Variants in XRN1 observed in about 807,000 individuals in gnomAD.
The protein encoded by XRN1 is 5'-3' exoribonuclease 1.
A neutral mutation model predicts 222.3 loss-of-function variants in XRN1; 67 were observed. The observed-to-expected ratio is 0.30, with a 90% CI of 0.25 to 0.37. The LOEUF (loss-of-function observed/expected upper bound fraction) is 0.37. Among genes scored for constraint, XRN1 ranks in the 10% least tolerant of loss-of-function variants. The pLI, the probability that XRN1 is intolerant of heterozygous loss-of-function variation, is 1.00. For missense variants in XRN1, 1,707 were observed against 2,000.2 expected, an observed-to-expected ratio of 0.85 and a Z score of 2.80; for synonymous variants, 643 against 652.4, an observed-to-expected ratio of 0.99 and a Z score of 0.22.
chr3:142,312,142 T>G lies in XRN1; in HGVS notation c.4783-329A>C, dbSNP rs552899828. Among the ~76,000 whole-genome samples, 6 of 152,174 alleles carry G rather than the reference T, an allele frequency of 3.9e-5. No individual in the cohort carries two copies. The East Asian group carries it at 9.7e-4, about 25-fold the overall frequency. Reference sequence around the variant, plus strand: ...AATTACAAAAACTAGACAGGCATGGTGGCACATGCCTGTAGCCTCAGGTAC... The same window carrying G: ...AATTACAAAAACTAGACAGGCATGGGGGCACATGCCTGTAGCCTCAGGTAC... On this transcript the variant is annotated intron_variant, in intron 40 of 40. Coordinates refer to ENST00000392981, the MANE Select transcript of XRN1 (RefSeq NM_001282857.2).
chr3:142,364,259 G>A (rs1030959188), intron 29 of XRN1, among the ~76,000 whole-genome samples: 14 of 152,162 alleles, frequency 9.2e-5, no homozygotes, highest in Non-Finnish European at 1.8e-4. Context: ...CAAGAGGTTC[G>A]GTGCCTGGGA....
At chr3:142,391,863 C>T (rs1351640850) in intron 20 of XRN1, among the ~76,000 whole-genome samples, 1 of 150,906 alleles carries the variant, frequency 6.6e-6, no homozygotes, top group South Asian at 2.1e-4. Context: ...ATAACTTTTA[C>T]AGCAATGCAT....
chr3:142,375,072 G>T (rs922075502), intron 25 of XRN1, among the ~76,000 whole-genome samples: 17 of 152,198 alleles, frequency 1.1e-4, no homozygotes, highest in African/African-American at 4.1e-4. Context: ...TGCTTCCCTA[G>T]TGCCTTCAGA....
At chr3:142,401,707 CTG>C (rs1330140034) in intron 18 of XRN1, among the ~76,000 whole-genome samples, 1 of 152,106 alleles carries the variant, frequency 6.6e-6, no homozygotes, top group Non-Finnish European at 1.5e-5. Flanking sequence ...GAGTGAGACT[CTG>C]TCAAACAAAC....
intron 21 of XRN1, 38 bp downstream of exon 21, chr3:142,384,485 G>T: frequency 6.6e-7 from 1 of 1,505,800 alleles, no homozygotes; most frequent in Non-Finnish European, 9.1e-7. Context: ...TATTAATAGT[G>T]TATATTAAGA....
chr3:142,342,461 C>G (rs1321012086), intron 33 of XRN1, among the ~76,000 whole-genome samples: 1 of 152,046 alleles, frequency 6.6e-6, no homozygotes, highest in Admixed American at 6.6e-5. Flanking sequence ...TTACATGGAA[C>G]CACAAAAACC....
intron 2 of XRN1, 58 bp from the exon 3 acceptor site, chr3:142,426,899 A>G: frequency 7.2e-7 from 1 of 1,380,984 alleles, no homozygotes; most frequent in Non-Finnish European, 1.0e-6. Context: ...GAAGATCTTT[A>G]TATAAACTGC....
intron 27 of XRN1, among the ~76,000 whole-genome samples, chr3:142,368,574 G>C (rs1215476862): frequency 6.6e-6 from 1 of 152,250 alleles, no homozygotes; most frequent in East Asian, 1.9e-4. Flanking sequence ...ATCCAAATGG[G>C]TTAAAATTGG....
At chr3:142,312,849 CT>C (rs146752061) in intron 39 of XRN1, 91 bp from the exon 40 acceptor site, 501 of 1,324,952 alleles carry the variant, frequency 3.8e-4, no homozygotes, top group African/African-American at 9.8e-4. Context: ...CCTTTTTGGG[CT>C]TTTTTTTTCC....
At chr3:142,316,212 TTC>T (rs2065207342) in intron 39 of XRN1, among the ~76,000 whole-genome samples, 1 of 147,578 alleles carries the variant, frequency 6.8e-6, no homozygotes, top group African/African-American at 2.5e-5. Context: ...AGTCATTATC[TTC>T]TTTTTTTTTT....
chr3:142,388,686 G>A (rs2067601578), intron 20 of XRN1, among the ~76,000 whole-genome samples: 1 of 152,192 alleles, frequency 6.6e-6, no homozygotes, highest in Non-Finnish European at 1.5e-5. Context: ...TGTATCAGCT[G>A]ACTCTTCATG....
chr3:142,347,417 A>AAATG, intron 32 of XRN1, 75 bp from the exon 33 acceptor site: 1 of 920,246 alleles, frequency 1.1e-6, no homozygotes, highest in Non-Finnish European at 1.6e-6. Flanking sequence ...CTTTTAATAA[A>AAATG]TACATTTTTA....
chr3:142,319,950 ACAC>A (rs1359579184), intron 37 of XRN1, among the ~76,000 whole-genome samples: 6 of 152,188 alleles, frequency 3.9e-5, no homozygotes, highest in South Asian at 2.1e-4. Flanking sequence ...ACATACCCAC[ACAC>A]ATTTTCTTTA....
intron 20 of XRN1, among the ~76,000 whole-genome samples, chr3:142,393,544 G>A (rs1262695968): frequency 1.3e-5 from 2 of 150,982 alleles, no homozygotes; most frequent in Non-Finnish European, 3.0e-5. Flanking sequence ...TTCTACATAT[G>A]GCTAGCCAGT....
At chr3:142,370,111 T>C (rs1274622817) in intron 27 of XRN1, among the ~76,000 whole-genome samples, 1 of 151,736 alleles carries the variant, frequency 6.6e-6, no homozygotes, top group African/African-American at 2.4e-5. Flanking sequence ...ATTAACCTTA[T>C]TCTCAAACTT....
intron 20 of XRN1, among the ~76,000 whole-genome samples, chr3:142,385,704 T>C (rs2067474219): frequency 6.6e-6 from 1 of 152,104 alleles, no homozygotes; most frequent in Non-Finnish European, 1.5e-5. Context: ...ATTTAAGGAA[T>C]ACTTTCTTAT....
At chr3:142,375,126 T>C (rs758269758) in intron 25 of XRN1, among the ~76,000 whole-genome samples, 11 of 152,224 alleles carry the variant, frequency 7.2e-5, no homozygotes, top group Non-Finnish European at 1.3e-4. Context: ...GGACTTCTGG[T>C]CACCAGAACT....
chr3:142,397,686 G>A (rs1268801638), intron 19 of XRN1, among the ~76,000 whole-genome samples: 1 of 152,024 alleles, frequency 6.6e-6, no homozygotes, highest in Non-Finnish European at 1.5e-5. Flanking sequence ...TAAAAGCATG[G>A]GAAGTACAGA....
intron 18 of XRN1, 98 bp downstream of exon 18, chr3:142,403,576 G>T: frequency 9.3e-7 from 1 of 1,079,036 alleles, no homozygotes. Context: ...CAAATTTCTA[G>T]AGTTACAACA....
Sources: allele counts gnomAD v4.1 joint callset (sites outside exome capture counted in the v4.1 genomes callset), GRCh38; gene constraint gnomAD v4.1.1; transcripts MANE v1.5; gene names NCBI Gene and HGNC (gene_info 2026-07-23, HGNC 2026-07-21).